FAM153A: variants seen among roughly 807,000 people sequenced by gnomAD.
FAM153A encodes the protein protein FAM153A.
Under a neutral mutation model 48.1 loss-of-function variants are expected in FAM153A, and 12 were observed. That is an observed-to-expected ratio of 0.25 (90% CI 0.16 to 0.40). FAM153A has a LOEUF of 0.40. Ranked by LOEUF, FAM153A falls within the 10% of genes least tolerant of loss-of-function variation. The probability of loss-of-function intolerance (pLI) is 1.00; values close to 1 mark genes in which losing one functional copy is unlikely to be tolerated. For missense variants in FAM153A, 111 were observed against 345.8 expected, an observed-to-expected ratio of 0.32 and a Z score of 5.38; for synonymous variants, 36 against 118.2, an observed-to-expected ratio of 0.30 and a Z score of 4.51.
chr5:177,739,099 C>T lies in FAM153A; in HGVS notation c.562+14G>A, dbSNP rs1765150989. 1.2e-6 allele frequency: 2 copies of T among 1,612,736 alleles called. No individual in the cohort carries two copies. The highest frequency in any genetic ancestry group is 1.1e-5 in the South Asian group (1 of 91,036). On this transcript the variant is annotated intron_variant, in intron 10 of 20. Transcript: ENST00000614127. Reference sequence around the variant, plus strand: ...GATTTTTCCTTAGCAAAAAGGTGATCCCAGAATACATACCGTTGGTTTGGG... The same window carrying T: ...GATTTTTCCTTAGCAAAAAGGTGATTCCAGAATACATACCGTTGGTTTGGG...
downstream of FAM153A, among the ~76,000 whole-genome samples, chr5:177,719,463 A>G (rs1760653940): frequency 1.3e-5 from 2 of 150,868 alleles, no homozygotes; most frequent in Non-Finnish European, 2.9e-5. Context: ...AAGAGAGAAA[A>G]AGGGAGGGAG....
chr5:177,748,776 A>AG, intron 2 of FAM153A, 77 bp from the exon 5 acceptor site: 1 of 637,904 alleles, frequency 1.6e-6, no homozygotes, highest in Non-Finnish European at 2.6e-6. Flanking sequence ...TGCTAAGGAC[A>AG]GGGGGCTGGC....
At chr5:177,702,314 C>T in the FAM153A span, among the ~76,000 whole-genome samples, 2 of 151,744 alleles carry the variant, frequency 1.3e-5, no homozygotes, top group Admixed American at 1.3e-4. Flanking sequence ...ATGATTTAGG[C>T]TATCTGGTGG....
downstream of FAM153A, among the ~76,000 whole-genome samples, chr5:177,709,763 C>T (rs555350979): frequency 1.1e-3 from 137 of 126,962 alleles, no homozygotes; most frequent in African/African-American, 3.5e-3. Context: ...CTCTGCCTCC[C>T]GGGTTCAAGC....
At chr5:177,703,177 A>G (rs2127540480), downstream of FAM153A, among the ~76,000 whole-genome samples, 1 of 152,278 alleles carries the variant, frequency 6.6e-6, no homozygotes, top group Non-Finnish European at 1.5e-5. Flanking sequence ...GAGCCTTGCA[A>G]AGCCACAGGG....
At chr5:177,694,802 T>C in the FAM153A span, among the ~76,000 whole-genome samples, 1,041 of 128,906 alleles carry the variant, frequency 8.1e-3, 3 homozygotes, top group African/African-American at 0.021. Context: ...GGAAAACTTA[T>C]AGCTTATCTG....
At chr5:177,710,261 T>G (rs1758294218), downstream of FAM153A, among the ~76,000 whole-genome samples, 2 of 151,418 alleles carry the variant, frequency 1.3e-5, no homozygotes, top group Admixed American at 1.3e-4. Flanking sequence ...TACAGGCATG[T>G]GTCACCACAC....
At chr5:177,731,587 G>C (rs1184300645) in exon 16 of FAM153A, 1 of 1,088,576 alleles carries the variant, frequency 9.2e-7, no homozygotes, top group Non-Finnish European at 1.2e-6. Context: ...AGCGTGGCTG[G>C]GTCCACCTGC....
Position 177,776,568 on chromosome 5 carries a change from C to A in FAM153A, c.-57+3881G>T, listed in dbSNP as rs1448689102. The stretch of plus-strand genomic sequence containing the variant: ...TCCAACTTACAAGGGATGTGAAGGA[C>A]CTCTTCAAGAACTACAAACCACTGC... On this transcript the variant is annotated intron_variant, in intron 1 of 8. Transcript: ENST00000393518. 2.4e-5 allele frequency among the ~76,000 whole-genome samples: 2 copies of A among 83,678 alleles called. 1 individual carries two copies. The allele number at this position is 83,678 out of a possible 152,430, so 54.9% of individuals were successfully genotyped here.
chr5:177,754,341 G>T (rs949145701), upstream of FAM153A, among the ~76,000 whole-genome samples: 1 of 151,532 alleles, frequency 6.6e-6, no homozygotes, highest in African/African-American at 2.4e-5. Flanking sequence ...TGGCTGGGAA[G>T]CTCTAACTGG....
chr5:177,705,422 C>G (rs1441453546), downstream of FAM153A, among the ~76,000 whole-genome samples: 1 of 147,866 alleles, frequency 6.8e-6, no homozygotes, highest in Non-Finnish European at 1.5e-5. Flanking sequence ...CTGAGGCCTT[C>G]CCAGAAGCAG....
chr5:177,696,950 T>C, the FAM153A span, among the ~76,000 whole-genome samples: 1 of 151,948 alleles, frequency 6.6e-6, no homozygotes, highest in East Asian at 1.9e-4. Context: ...TCATATCAAT[T>C]TTAGGATCAG....
chr5:177,738,087 G>A (rs750258315), intron 10 of FAM153A, among the ~76,000 whole-genome samples: 2 of 151,268 alleles, frequency 1.3e-5, no homozygotes, highest in Non-Finnish European at 2.9e-5. Context: ...AGCCCATCAC[G>A]GGGGCAGCAG....
intron 25 of FAM153A, chr5:177,713,943 TAGTAAAGCC>T (rs1177309758): frequency 6.6e-6 from 1 of 151,906 alleles, no homozygotes; most frequent in Non-Finnish European, 1.5e-5. Context: ...GACTCAGATT[TAGTAAAGCC>T]AGTTGTGTAA....
intron 1 of FAM153A, among the ~76,000 whole-genome samples, chr5:177,779,070 T>C (rs1275728011): frequency 6.6e-6 from 1 of 151,350 alleles, no homozygotes; most frequent in African/African-American, 2.5e-5. Context: ...GAATATAGTA[T>C]AATAGTATAA....
the FAM153A span, among the ~76,000 whole-genome samples, chr5:177,698,170 A>C: frequency 1.3e-5 from 2 of 151,680 alleles, no homozygotes; most frequent in Non-Finnish European, 2.9e-5. Flanking sequence ...GTGCCAACCA[A>C]GGAAAGGTTC....
chr5:177,759,247 G>A lies in FAM153A; in HGVS notation c.-56-10548C>T, dbSNP rs929482454. On this transcript the variant is annotated intron_variant, in intron 1 of 8. Coordinates refer to the FAM153A transcript ENST00000393518. ...CATCATCACTGGCCATCAGAGAAATGCAAATCAAAACCACAATGACATACC... is the reference window on the plus strand; with the variant it reads ...CATCATCACTGGCCATCAGAGAAATACAAATCAAAACCACAATGACATACC... Among the ~76,000 whole-genome samples the A allele has an allele frequency of 4.0e-5, 6 of 151,896 alleles. No homozygotes were observed. In the East Asian group the frequency reaches 9.7e-4, roughly 24 times the overall value.
chr5:177,725,531 G>T (rs1762243888), intron 18 of FAM153A, among the ~76,000 whole-genome samples: 1 of 151,734 alleles, frequency 6.6e-6, no homozygotes, highest in Non-Finnish European at 1.5e-5. Flanking sequence ...GCCTTAATCT[G>T]CAAGTGAGGC....
At chr5:177,709,146 A>AGTTTTGTC (rs2127547529), downstream of FAM153A, among the ~76,000 whole-genome samples, 1 of 128,640 alleles carries the variant, frequency 7.8e-6, no homozygotes, top group South Asian at 2.8e-4. Flanking sequence ...AGAAAAGCCT[A>AGTTTTGTC]GTTTTGTCAC....
Sources: gnomAD v4.1 joint callset for allele counts (sites outside exome capture counted in the v4.1 genomes callset) on GRCh38, gnomAD v4.1.1 for gene constraint, MANE v1.5 for transcripts, NCBI Gene and HGNC (gene_info 2026-07-23, HGNC 2026-07-21) for gene names.